The following KIF1A variants were observed in gnomAD, a reference collection of about 807,000 sequenced individuals.
The protein encoded by KIF1A is kinesin family member 1A.
In KIF1A, 46 loss-of-function variants were observed where a neutral mutation model predicts 227.3. The ratio of observed to expected loss-of-function variants is 0.20; its 90% CI spans 0.16 to 0.26. The LOEUF is 0.26. Ranked by LOEUF, KIF1A falls within the 10% of genes least tolerant of loss-of-function variation. KIF1A has a pLI of 1.00. For missense variants in KIF1A, 1,683 were observed against 2,485.9 expected (o/e 0.68, Z 6.87); for synonymous variants, 1,022 against 1,012.8 (o/e 1.01, Z -0.17).
At chr2:240,805,094 GA>G (rs2057294862) in intron 1 of KIF1A, among the ~76,000 whole-genome samples, 3 of 75,944 alleles carry the variant, frequency 4.0e-5, no homozygotes, top group African/African-American at 1.1e-4. Flanking sequence ...AGGGAGAGGG[GA>G]GGGAGAGGGG....
chr2:240,736,677 C>T lies in KIF1A; in HGVS notation c.4007+386G>A, dbSNP rs1406901258. Among the ~76,000 whole-genome samples the T allele has an allele frequency of 6.6e-6, 1 of 152,222 alleles. No individual in the cohort carries two copies. Among genetic ancestry groups the T allele is most frequent in the Admixed American group, 6.5e-5 (1 of 15,290 alleles). ...CCCACCCCAGCTGCTCCACCTCTAGCCCCAGGATGCCTGCCAGAGGCCACT... is the reference window on the plus strand; with the variant it reads ...CCCACCCCAGCTGCTCCACCTCTAGTCCCAGGATGCCTGCCAGAGGCCACT... On this transcript the variant is annotated intron_variant, in intron 38 of 48. Transcript: ENST00000498729. The surrounding 1 kb of genome is among the most constrained non-coding windows in gnomAD (Gnocchi z 4.7).
intron 14 of KIF1A, chr2:240,771,397 C>T (rs949253163): frequency 2.1e-5 from 10 of 465,846 alleles, no homozygotes; most frequent in Admixed American, 7.0e-5. Flanking sequence ...CGCACTTGCC[C>T]GCCTGCCCCC....
At position 240,765,715 on chromosome 2, in the gene KIF1A, C is replaced by T. The variant is rs556945776; in HGVS notation, c.1763G>A (p.Arg588His). The stretch of plus-strand genomic sequence containing the variant: ...CCCGGAGTCCCCAGCCATACCTGAA[C>T]GCAGGATGCTGGGCTCTGTGACTTT... ...GKKVTEPSILRSGNRIIMGKS... is the reference protein window; with the variant it reads ...GKKVTEPSILHSGNRIIMGKS... Residue 588 changes from arginine (R) to histidine (H), a missense_variant, in exon 20 of 49, where the codon CGT becomes CAT. By Grantham distance (29) the Arg-to-His change is conservative (BLOSUM62 0). Around this residue, in one of 12 missense-constraint regions of KIF1A, gnomAD observed 217 missense variants for 427.0 expected, o/e 0.51. Coordinates refer to ENST00000498729, the MANE Select transcript of KIF1A (RefSeq NM_001244008.2). 18 of 1,613,240 alleles carry T rather than the reference C, an allele frequency of 1.1e-5. No homozygotes were observed. The highest frequency in any genetic ancestry group is 1.7e-5 in the Admixed American group (1 of 60,004).
intron 45 of KIF1A, 118 bp downstream of exon 45, chr2:240,720,796 C>T: frequency 2.3e-6 from 3 of 1,289,254 alleles, no homozygotes; most frequent in South Asian, 3.2e-5. Flanking sequence ...CTGTGGCCAC[C>T]CCAAGGCACT....
rs116739536 is a variant in KIF1A, at chr2:240,798,104, G to A, written c.-60-292C>T. The A allele has an allele frequency of 5.8e-3, 1,281 of 220,742 alleles. 23 individuals are homozygous for A. Among genetic ancestry groups the A allele is most frequent in the African/African-American group, 0.028 (1,227 of 43,886 alleles). The allele number at this position is 220,742 out of a possible 1,614,324, so 13.7% of individuals were successfully genotyped here. ...ACGTGAAGGTGGCCTTCACACCCACGGCAAACCCCCCAGGAAGGGTCTTCC... is the reference window on the plus strand; with the variant it reads ...ACGTGAAGGTGGCCTTCACACCCACAGCAAACCCCCCAGGAAGGGTCTTCC... On this transcript the variant is annotated intron_variant, in intron 1 of 48. Transcript: ENST00000498729.
intron 10 of KIF1A, among the ~76,000 whole-genome samples, chr2:240,776,828 C>T (rs1324230504): frequency 6.6e-6 from 1 of 152,068 alleles, no homozygotes; most frequent in East Asian, 1.9e-4. Flanking sequence ...TGAAGACAAC[C>T]CCAGGAGAAG....
chr2:240,753,506 G>A (rs903765785), intron 27 of KIF1A, among the ~76,000 whole-genome samples: 1 of 152,156 alleles, frequency 6.6e-6, no homozygotes, highest in Non-Finnish European at 1.5e-5. Context: ...GGCTGGGCTC[G>A]AGGAGGAGGC....
chr2:240,786,800 G>GCCAGTATCAGGAACC (rs1559530222), intron 5 of KIF1A, among the ~76,000 whole-genome samples: 1 of 142,990 alleles, frequency 7.0e-6, no homozygotes, highest in African/African-American at 2.8e-5. Context: ...GGGGGTGGGG[G>GCCAGTATCAGGAACC]CTGCCATCAG....
chr2:240,743,130 G>T, intron 33 of KIF1A, 146 bp from the exon 34 acceptor site: 1 of 619,092 alleles, frequency 1.6e-6, no homozygotes, highest in Non-Finnish European at 2.7e-6. Context: ...TTGGGTGGGA[G>T]GAAGAGGAGG....
chr2:240,817,453 TCCTA>T (rs2058411521), intron 1 of KIF1A, among the ~76,000 whole-genome samples: 2 of 152,218 alleles, frequency 1.3e-5, no homozygotes, highest in Admixed American at 6.5e-5. Flanking sequence ...CACGTGCTCA[TCCTA>T]CCAATCACAG....
At chr2:240,729,985 G>T (rs1206373992) in intron 38 of KIF1A, among the ~76,000 whole-genome samples, 1 of 152,206 alleles carries the variant, frequency 6.6e-6, no homozygotes, top group Non-Finnish European at 1.5e-5. Flanking sequence ...CAGGGGAGCT[G>T]TACCCTAAAT....
rs6716420 is a variant in KIF1A at position 240,770,488 on chromosome 2, G to A, written c.1341+483C>T. Among the ~76,000 whole-genome samples, 1,479 of 152,258 alleles carry A rather than the reference G, an allele frequency of 9.7e-3. 31 individuals are homozygous for A. Among genetic ancestry groups the A allele is most frequent in the African/African-American group, 0.034 (1,431 of 41,536 alleles). On this transcript the variant is annotated intron_variant, in intron 15 of 48. Coordinates refer to ENST00000498729, the MANE Select transcript of KIF1A (RefSeq NM_001244008.2). ...GAAGCTGCTGTGACCTGGGACTGTCGTCAGTGGAGGGGATGCTGCGGGGTG... is the reference window on the plus strand; with the variant it reads ...GAAGCTGCTGTGACCTGGGACTGTCATCAGTGGAGGGGATGCTGCGGGGTG...
chr2:240,797,638 G>A lies in KIF1A; in HGVS notation c.106+9C>T. 2.5e-6 allele frequency: 4 copies of A among 1,591,744 alleles called. No individual in the cohort carries two copies. The highest frequency in any genetic ancestry group is 3.4e-6 in the Non-Finnish European group (4 of 1,161,510). On this transcript the variant is annotated intron_variant, in intron 2 of 48. Coordinates refer to ENST00000498729, the MANE Select transcript of KIF1A (RefSeq NM_001244008.2). The stretch of plus-strand genomic sequence containing the variant: ...GGCCGACCCCGATGCTGTGCAGGCT[G>A]ATACTCACTGGTGGTGCTTCCAGAC...
chr2:240,784,909 C>G, intron 7 of KIF1A, 80 bp downstream of exon 7: 1 of 1,130,066 alleles, frequency 8.8e-7, no homozygotes, highest in Non-Finnish European at 1.3e-6. Context: ...TTGTGCTGCC[C>G]CCACTGGCCT....
chr2:240,786,316 A>G lies in KIF1A; in HGVS notation c.608+19T>C, dbSNP rs1164290549. 9.9e-6 allele frequency: 16 copies of G among 1,608,144 alleles called. No individual in the cohort carries two copies. Among genetic ancestry groups the G allele is most frequent in the Non-Finnish European group, 1.4e-5 (16 of 1,175,402 alleles). Reference sequence around the variant, plus strand: ...GCAGGACAGGAGGGCAGGGAGGTCCAGTGAGTCCCTCCACCCACCTGGCCT... The same window carrying G: ...GCAGGACAGGAGGGCAGGGAGGTCCGGTGAGTCCCTCCACCCACCTGGCCT... On this transcript the variant is annotated intron_variant, in intron 6 of 48. Coordinates refer to ENST00000498729, the MANE Select transcript of KIF1A (RefSeq NM_001244008.2).
chr2:240,785,560 C>G (rs1488214396), intron 6 of KIF1A, among the ~76,000 whole-genome samples: 2 of 152,188 alleles, frequency 1.3e-5, no homozygotes, highest in African/African-American at 4.8e-5. Flanking sequence ...AACAGGAAGC[C>G]CAAGGCTGCT....
At chr2:240,797,517 C>T (rs1400619538) in intron 2 of KIF1A, 130 bp downstream of exon 2, 2 of 654,098 alleles carry the variant, frequency 3.1e-6, no homozygotes, top group Non-Finnish European at 5.5e-6. Flanking sequence ...AGGACACCCA[C>T]ACGCCACATA....
At chr2:240,801,325 A>G (rs2056943131) in intron 1 of KIF1A, among the ~76,000 whole-genome samples, 2 of 152,184 alleles carry the variant, frequency 1.3e-5, no homozygotes, top group African/African-American at 2.4e-5. Context: ...AAAAAAATCA[A>G]ATGGAAATGC....
chr2:240,734,860 A>G, intron 38 of KIF1A: 1 of 766,838 alleles, frequency 1.3e-6, no homozygotes, highest in Non-Finnish European at 2.0e-6. Context: ...TGAGCCAGGG[A>G]GGCTGCAAAG....
Sources: allele counts gnomAD v4.1 joint callset (sites outside exome capture counted in the v4.1 genomes callset), GRCh38; gene constraint gnomAD v4.1.1; regional missense constraint gnomAD v4.1.1; non-coding constraint Gnocchi (gnomAD v3.1); transcripts MANE v1.5; gene names NCBI Gene and HGNC (gene_info 2026-07-23, HGNC 2026-07-21).